Variants in NKAIN2 observed in about 807,000 individuals in gnomAD.
NKAIN2 encodes sodium/potassium transporting ATPase interacting 2, also known as sodium/potassium-transporting ATPase subunit beta-1-interacting protein 2.
A neutral mutation model predicts 32.6 loss-of-function variants in NKAIN2; 14 were observed. The observed-to-expected ratio is 0.43, with a 90% CI of 0.28 to 0.67. The LOEUF is 0.67. Ranked by LOEUF, NKAIN2 falls within the 30% of genes least tolerant of loss-of-function variation. The pLI is 0.17. For missense variants in NKAIN2, 198 were observed against 258.3 expected (o/e 0.77, Z 1.60); for synonymous variants, 80 against 87.2 (o/e 0.92, Z 0.46).
At chr6:124,407,375 G>A in intron 3 of NKAIN2, among the ~76,000 whole-genome samples, 1 of 138,216 alleles carries the variant, frequency 7.2e-6, no homozygotes, top group Non-Finnish European at 1.5e-5. Context: ...TCCCCTGTGT[G>A]TGATATTCCC....
At chr6:124,372,042 G>A (rs1002626995) in intron 3 of NKAIN2, among the ~76,000 whole-genome samples, 1 of 152,042 alleles carries the variant, frequency 6.6e-6, no homozygotes, top group Non-Finnish European at 1.5e-5. Flanking sequence ...AAGACATGAA[G>A]ATTGAGAAAG....
Position 124,147,289 on chromosome 6 carries a change from C to T in NKAIN2, c.55-135716C>T, listed in dbSNP as rs77295484. Among the ~76,000 whole-genome samples, 761 of 152,284 alleles carry T rather than the reference C, an allele frequency of 5.0e-3. 9 individuals are homozygous for T. The highest frequency in any genetic ancestry group is 0.026 in the South Asian group (123 of 4,822). On this transcript the variant is annotated intron_variant, in intron 1 of 6. Coordinates refer to ENST00000368417, the MANE Select transcript of NKAIN2 (RefSeq NM_001040214.3). Reference sequence around the variant, plus strand: ...CATTATGAGTGTTCAGGTCATCCCTCACTAACCTTAGAAGAGTAAACAACA... The same window carrying T: ...CATTATGAGTGTTCAGGTCATCCCTTACTAACCTTAGAAGAGTAAACAACA...
chr6:124,465,885 T>A (rs1188717085), intron 3 of NKAIN2, among the ~76,000 whole-genome samples: 1 of 152,122 alleles, frequency 6.6e-6, no homozygotes, highest in Non-Finnish European at 1.5e-5. Flanking sequence ...CCTGTGTAAC[T>A]TCATAAATAG....
At chr6:124,038,406 G>A (rs1401899275) in intron 1 of NKAIN2, among the ~76,000 whole-genome samples, 1 of 152,018 alleles carries the variant, frequency 6.6e-6, no homozygotes, top group Admixed American at 6.6e-5. Context: ...GTAGAGACAG[G>A]GTTTCACCAT....
At chr6:124,692,937 C>T (rs866805327) in intron 4 of NKAIN2, among the ~76,000 whole-genome samples, 5 of 152,286 alleles carry the variant, frequency 3.3e-5, no homozygotes, top group Middle Eastern at 6.8e-3. Flanking sequence ...AAATGCCCAA[C>T]CTATTGTTGG....
At chr6:124,439,630 T>G (rs540237533) in intron 3 of NKAIN2, among the ~76,000 whole-genome samples, 2 of 134,740 alleles carry the variant, frequency 1.5e-5, no homozygotes, top group South Asian at 4.3e-4. Context: ...TTTGTTTCCG[T>G]TTTTTTTTTA....
intron 4 of NKAIN2, among the ~76,000 whole-genome samples, chr6:124,668,423 TATAA>T (rs1458903803): frequency 6.6e-6 from 1 of 152,156 alleles, no homozygotes; most frequent in Non-Finnish European, 1.5e-5. Context: ...TCAACAACGT[TATAA>T]ATAGAGACTA....
At chr6:124,460,832 C>A (rs1305103628) in intron 3 of NKAIN2, among the ~76,000 whole-genome samples, 1 of 151,302 alleles carries the variant, frequency 6.6e-6, no homozygotes, top group East Asian at 1.9e-4. Flanking sequence ...CTATCCTTAC[C>A]CTTTGGAATA....
At chr6:123,811,498 G>C (rs116721743) in intron 1 of NKAIN2, among the ~76,000 whole-genome samples, 70 of 152,120 alleles carry the variant, frequency 4.6e-4, no homozygotes, top group African/African-American at 1.5e-3. Flanking sequence ...TTAGAAGCTG[G>C]ATTTTAATAT....
intron 2 of NKAIN2, among the ~76,000 whole-genome samples, chr6:124,316,063 A>G (rs949464862): frequency 1.3e-5 from 2 of 152,118 alleles, no homozygotes; most frequent in Non-Finnish European, 2.9e-5. Flanking sequence ...TCTAGTGTTC[A>G]GTAGCACAGT....
intron 1 of NKAIN2, among the ~76,000 whole-genome samples, chr6:124,217,693 A>G (rs1386350619): frequency 6.6e-6 from 1 of 152,030 alleles, no homozygotes; most frequent in Non-Finnish European, 1.5e-5. Flanking sequence ...AAATGATTCT[A>G]CTGAATTTAG....
At chr6:124,193,002 G>T (rs1790108470) in intron 1 of NKAIN2, among the ~76,000 whole-genome samples, 1 of 152,056 alleles carries the variant, frequency 6.6e-6, no homozygotes, top group Non-Finnish European at 1.5e-5. Flanking sequence ...GCTCGCCTTG[G>T]CCTCCTAAAG....
At chr6:124,125,617 A>G (rs1786125367) in intron 1 of NKAIN2, among the ~76,000 whole-genome samples, 1 of 152,176 alleles carries the variant, frequency 6.6e-6, no homozygotes, top group Non-Finnish European at 1.5e-5. Flanking sequence ...TGTTGTAATA[A>G]AGATATATAC....
chr6:124,273,263 G>C (rs1317094027), intron 1 of NKAIN2, among the ~76,000 whole-genome samples: 1 of 151,778 alleles, frequency 6.6e-6, no homozygotes, highest in Non-Finnish European at 1.5e-5. Context: ...GGGTCGATTG[G>C]ATCCTGGGGG....
chr6:124,172,123 T>A (rs1788925509), intron 1 of NKAIN2, among the ~76,000 whole-genome samples: 1 of 152,238 alleles, frequency 6.6e-6, no homozygotes, highest in South Asian at 2.1e-4. Flanking sequence ...CCAATTTTTT[T>A]AATGATAGTG....
At chr6:124,493,847 C>T (rs1053818575) in intron 3 of NKAIN2, among the ~76,000 whole-genome samples, 13 of 151,618 alleles carry the variant, frequency 8.6e-5, no homozygotes, top group African/African-American at 2.2e-4. Context: ...CTGGTTGACA[C>T]GACCCCTTAC....
intron 3 of NKAIN2, among the ~76,000 whole-genome samples, chr6:124,364,531 CA>C (rs1203094069): frequency 1.3e-5 from 2 of 151,592 alleles, no homozygotes; most frequent in Admixed American, 1.3e-4. Context: ...ATAAAAGACC[CA>C]AAGGAACAGC....
At chr6:124,088,905 A>G (rs1466058300) in intron 1 of NKAIN2, among the ~76,000 whole-genome samples, 1 of 152,082 alleles carries the variant, frequency 6.6e-6, no homozygotes, top group East Asian at 1.9e-4. Flanking sequence ...ATGTTGGCAT[A>G]GAAAACTATA....
intron 1 of NKAIN2, among the ~76,000 whole-genome samples, chr6:124,198,334 T>G (rs971611343): frequency 6.6e-6 from 1 of 151,810 alleles, no homozygotes; most frequent in Non-Finnish European, 1.5e-5. Context: ...GTTGTGGGGA[T>G]AGCAGTTCTC....
Sources: gnomAD v4.1 joint callset for allele counts (sites outside exome capture counted in the v4.1 genomes callset) on GRCh38, gnomAD v4.1.1 for gene constraint, MANE v1.5 for transcripts, NCBI Gene and HGNC (gene_info 2026-07-23, HGNC 2026-07-21) for gene names.